The following KIAA1217 variants were observed in gnomAD, a reference collection of about 807,000 sequenced individuals.
KIAA1217 encodes KIAA1217.
Under a neutral mutation model 163.9 loss-of-function variants are expected in KIAA1217, and 88 were observed. That is an observed-to-expected ratio of 0.54 (90% CI 0.45 to 0.64). The LOEUF (loss-of-function observed/expected upper bound fraction) is 0.64, where lower values mean the gene tolerates loss of function less well. KIAA1217 is among the 30% of genes least tolerant of loss of function. The pLI is 0.00. For missense variants in KIAA1217, 2,372 were observed against 2,475.0 expected (o/e 0.96, Z 0.88); for synonymous variants, 903 against 923.1 (o/e 0.98, Z 0.39).
At chr10:23,917,791 A>T (rs1482180310) in intron 1 of KIAA1217, among the ~76,000 whole-genome samples, 3 of 152,168 alleles carry the variant, frequency 2.0e-5, no homozygotes, top group African/African-American at 7.2e-5. Flanking sequence ...CCAGCAAGGG[A>T]AGATGAGAAA....
At chr10:24,280,999 T>A (rs2077861082) in intron 2 of KIAA1217, among the ~76,000 whole-genome samples, 1 of 152,102 alleles carries the variant, frequency 6.6e-6, no homozygotes, top group Admixed American at 6.5e-5. Context: ...TTCAAATCAG[T>A]GTGTTTTGTT....
At chr10:24,037,917 AT>A (rs1299559375) in intron 2 of KIAA1217, among the ~76,000 whole-genome samples, 3 of 152,112 alleles carry the variant, frequency 2.0e-5, no homozygotes, top group Non-Finnish European at 2.9e-5. Flanking sequence ...CTCTATGATT[AT>A]TCATTTCTTA....
rs199643011 is a variant in KIAA1217, at chr10:24,465,413, C to T, written c.847-7815C>T. On this transcript the variant is annotated intron_variant, in intron 5 of 20. Transcript: ENST00000376454. ...AAGCCTGCAAAGGACTGGATTTGAACTTGAAAGACGTCATGGAATTCTTTT... is the reference window on the plus strand; with the variant it reads ...AAGCCTGCAAAGGACTGGATTTGAATTTGAAAGACGTCATGGAATTCTTTT... 4.6e-5 allele frequency among the ~76,000 whole-genome samples: 7 copies of T among 152,314 alleles called. No individual in the cohort carries two copies. The East Asian group carries it at 1.2e-3, about 25-fold the overall frequency.
At chr10:24,216,112 G>T (rs1016679886) in intron 1 of KIAA1217, among the ~76,000 whole-genome samples, 2 of 152,276 alleles carry the variant, frequency 1.3e-5, no homozygotes, top group Admixed American at 6.5e-5. Flanking sequence ...AAAAACAGGG[G>T]TCTGATGAGT....
chr10:24,393,744 T>C (rs182551457), intron 3 of KIAA1217, among the ~76,000 whole-genome samples: 94 of 152,284 alleles, frequency 6.2e-4, no homozygotes, highest in Admixed American at 9.8e-4. Context: ...GAGAAGACCA[T>C]GTGAAGACAT....
At chr10:24,147,862 A>AAAAAAAAAAAG (rs1564755588) in intron 2 of KIAA1217, among the ~76,000 whole-genome samples, 5 of 143,532 alleles carry the variant, frequency 3.5e-5, no homozygotes, top group Non-Finnish European at 6.1e-5. Flanking sequence ...AAAAAAAAAA[A>AAAAAAAAAAAG]GAAAGAAAGA....
intron 1 of KIAA1217, among the ~76,000 whole-genome samples, chr10:23,705,963 C>T (rs1409672636): frequency 2.0e-5 from 3 of 152,020 alleles, no homozygotes; most frequent in Non-Finnish European, 2.9e-5. Context: ...TAAGAGTATA[C>T]ATTTTACATA....
chr10:23,911,947 A>T (rs935110115), intron 1 of KIAA1217, among the ~76,000 whole-genome samples: 1 of 151,926 alleles, frequency 6.6e-6, no homozygotes, highest in Non-Finnish European at 1.5e-5. Context: ...TACAAATCAT[A>T]CCCTCCACTA....
chr10:24,525,433 A>T (rs2134750271), intron 13 of KIAA1217, among the ~76,000 whole-genome samples: 1 of 152,310 alleles, frequency 6.6e-6, no homozygotes. Flanking sequence ...AGACTGGGGA[A>T]ATGGGCTGGA....
intron 2 of KIAA1217, among the ~76,000 whole-genome samples, chr10:24,018,752 C>T (rs7073792): frequency 0.1 from 15,766 of 151,954 alleles, 946 homozygotes; most frequent in African/African-American, 0.17. Context: ...GAGATAACTG[C>T]ACTATCATGT....
chr10:24,488,943 G>T (rs2065750323), intron 6 of KIAA1217, among the ~76,000 whole-genome samples: 1 of 152,198 alleles, frequency 6.6e-6, no homozygotes, highest in Non-Finnish European at 1.5e-5. Flanking sequence ...CCTCTGCTGT[G>T]TCCACGGCAG....
chr10:24,260,933 A>T (rs950632190), intron 2 of KIAA1217, among the ~76,000 whole-genome samples: 1 of 152,118 alleles, frequency 6.6e-6, no homozygotes. Flanking sequence ...TAGGACTGTC[A>T]TGAGGAAAGG....
intron 1 of KIAA1217, among the ~76,000 whole-genome samples, chr10:23,794,527 A>G (rs1395421962): frequency 6.6e-6 from 1 of 152,222 alleles, no homozygotes; most frequent in East Asian, 1.9e-4. Flanking sequence ...CATTTAGCTG[A>G]CAAAATTGCA....
chr10:24,381,717 G>A (rs146214372), intron 3 of KIAA1217, among the ~76,000 whole-genome samples: 33 of 152,310 alleles, frequency 2.2e-4, no homozygotes, highest in African/African-American at 6.5e-4. Flanking sequence ...GGAACTGACC[G>A]TAGAATGATC....
In KIAA1217 at chr10:24,222,722, C is replaced by G. The variant is rs185333105; in HGVS notation, c.354+2813C>G. On this transcript the variant is annotated intron_variant, in intron 2 of 20. Transcript: ENST00000376454. ...ACGGTGTTTTACCATGTTGGCCAGG[C>G]TGGTCTCGAACTCCTGACCTCAGGC... Among the ~76,000 whole-genome samples the G allele has an allele frequency of 8.9e-3, 1,359 of 152,260 alleles. 15 individuals carry two copies. Among genetic ancestry groups the G allele is most frequent in the Non-Finnish European group, 0.015 (1,032 of 68,032 alleles).
chr10:24,107,913 G>A (rs1225100741), intron 2 of KIAA1217, among the ~76,000 whole-genome samples: 1 of 152,116 alleles, frequency 6.6e-6, no homozygotes, highest in Admixed American at 6.5e-5. Context: ...ACTAGCAAGT[G>A]AAGCAGAAAA....
At chr10:24,303,241 C>T (rs2041594639) in intron 2 of KIAA1217, among the ~76,000 whole-genome samples, 2 of 152,016 alleles carry the variant, frequency 1.3e-5, no homozygotes, top group Non-Finnish European at 2.9e-5. Flanking sequence ...GTTTCAAACT[C>T]CTGGCCTCAA....
chr10:24,291,575 A>C (rs940769411), intron 2 of KIAA1217, among the ~76,000 whole-genome samples: 2 of 152,152 alleles, frequency 1.3e-5, no homozygotes, highest in Admixed American at 1.3e-4. Flanking sequence ...TACCTCTCCC[A>C]GTCCTCTTTG....
At chr10:24,334,649 C>T (rs2046124404) in intron 2 of KIAA1217, among the ~76,000 whole-genome samples, 3 of 152,160 alleles carry the variant, frequency 2.0e-5, no homozygotes, top group African/African-American at 7.2e-5. Flanking sequence ...TAACAGTCTT[C>T]TTGGTGCCTC....
Sources: gnomAD v4.1 joint callset for allele counts (sites outside exome capture counted in the v4.1 genomes callset) on GRCh38, gnomAD v4.1.1 for gene constraint, MANE v1.5 for transcripts, NCBI Gene and HGNC (gene_info 2026-07-23, HGNC 2026-07-21) for gene names.